The following CNBD2 variants were observed in gnomAD, a reference collection of about 807,000 sequenced individuals.
CNBD2 encodes cyclic nucleotide-binding domain-containing protein 2.
A neutral mutation model predicts 63.7 loss-of-function variants in CNBD2; 64 were observed. The observed-to-expected ratio is 1.00, with a 90% CI of 0.82 to 1.24. CNBD2 has a LOEUF of 1.24. Among genes scored for constraint, CNBD2 ranks in the 50% most tolerant of loss-of-function variants. The pLI is 0.00. For synonymous variants in CNBD2, 229 were observed against 255.4 expected (o/e 0.90, Z 0.99); for missense variants, 691 against 713.5 (o/e 0.97, Z 0.36).
chr20:36,023,314 C>T (rs2057242371), intron 10 of CNBD2, among the ~76,000 whole-genome samples: 1 of 152,096 alleles, frequency 6.6e-6, no homozygotes, highest in Non-Finnish European at 1.5e-5. Flanking sequence ...CACCTGAGGT[C>T]AGGAGTTCGA....
intron 6 of CNBD2, among the ~76,000 whole-genome samples, chr20:35,985,788 C>T (rs940142785): frequency 2.0e-5 from 3 of 152,090 alleles, no homozygotes; most frequent in African/African-American, 4.8e-5. Flanking sequence ...GCGCCTGGCC[C>T]AAACTATAAT....
chr20:36,018,506 C>T (rs1342305336), intron 10 of CNBD2, among the ~76,000 whole-genome samples: 1 of 152,212 alleles, frequency 6.6e-6, no homozygotes, highest in Non-Finnish European at 1.5e-5. Flanking sequence ...TGGTAGGACT[C>T]TGAGCTCCCT....
At chr20:36,012,662 C>T (rs1337136659) in intron 10 of CNBD2, among the ~76,000 whole-genome samples, 2 of 150,838 alleles carry the variant, frequency 1.3e-5, no homozygotes, top group African/African-American at 4.9e-5. Flanking sequence ...CCTGTCTCTA[C>T]TAAAAATGCA....
chr20:36,023,598 C>A lies in CNBD2; in HGVS notation c.1270-4C>A. On this transcript the variant is annotated splice_polypyrimidine_tract_variant and splice_region_variant and intron_variant, in intron 10 of 11. Transcript: ENST00000373973. ...AGGTCTAACTTTCTGTGACTTCTCCCGAGGGTCTTCACCAGGCCTTCCTTC... is the reference window on the plus strand; with the variant it reads ...AGGTCTAACTTTCTGTGACTTCTCCAGAGGGTCTTCACCAGGCCTTCCTTC... The A allele has an allele frequency of 6.3e-7, 1 of 1,582,676 alleles. No individual in the cohort carries two copies. The highest frequency in any genetic ancestry group is 8.6e-7 in the Non-Finnish European group (1 of 1,166,224).
At chr20:35,972,128 C>T (rs1276942968) in intron 1 of CNBD2, among the ~76,000 whole-genome samples, 1 of 152,194 alleles carries the variant, frequency 6.6e-6, no homozygotes, top group Non-Finnish European at 1.5e-5. Context: ...ATTCCTTTCT[C>T]AAGGCTCACG....
intron 2 of CNBD2, among the ~76,000 whole-genome samples, chr20:35,962,898 A>G (rs995487026): frequency 3.9e-5 from 6 of 152,120 alleles, no homozygotes; most frequent in African/African-American, 1.4e-4. Flanking sequence ...ATAATTTGGT[A>G]GTTTTCCTTC....
chr20:35,958,547 T>C (rs1380509469), downstream of CNBD2, among the ~76,000 whole-genome samples: 2 of 152,232 alleles, frequency 1.3e-5, no homozygotes, highest in Non-Finnish European at 2.9e-5. Context: ...GGTAACATCT[T>C]GCATAACTAT....
In CNBD2 at chr20:35,998,941, A is replaced by T. The variant is rs147240887; in HGVS notation, c.970+3789A>T. 3.8e-3 allele frequency among the ~76,000 whole-genome samples: 565 copies of T among 150,628 alleles called. 2 individuals are homozygous for T. Among genetic ancestry groups the T allele is most frequent in the African/African-American group, 0.013 (533 of 41,220 alleles). The stretch of plus-strand genomic sequence containing the variant: ...TTAAAATCTCCAGCCATAATTATAG[A>T]TATATTTTTCTCCTTGTATTTCTGT... On this transcript the variant is annotated intron_variant, in intron 8 of 11. Coordinates refer to ENST00000373973, the MANE Select transcript of CNBD2 (RefSeq NM_001365709.1).
At chr20:35,962,384 G>A (rs1211626403) in intron 2 of CNBD2, among the ~76,000 whole-genome samples, 2 of 150,362 alleles carry the variant, frequency 1.3e-5, no homozygotes, top group African/African-American at 4.9e-5. Context: ...TCAGCCTCCC[G>A]AGTAGCTGGG....
chr20:35,975,993 T>C lies in CNBD2; in HGVS notation c.234T>C (p.Ile78=), dbSNP rs1429900845. 1 of 1,612,816 alleles carries C rather than the reference T, an allele frequency of 6.2e-7. No individual in the cohort carries two copies. Among genetic ancestry groups the C allele is most frequent in the Non-Finnish European group, 8.5e-7 (1 of 1,179,044 alleles). Residue 78 remains isoleucine (I), a synonymous_variant, in exon 3 of 12, where the codon ATT becomes ATC. Coordinates refer to ENST00000373973, the MANE Select transcript of CNBD2 (RefSeq NM_001365709.1). ...TCACATTTGATACCATGGACTTCAT[T>C]GCAGAGGAGGTATGCATAGCTCGAA... ...SRVTFDTMDF[I]AEEGHFPPKA...
chr20:35,981,468 T>C (rs976027523), intron 4 of CNBD2, among the ~76,000 whole-genome samples: 3 of 152,118 alleles, frequency 2.0e-5, no homozygotes, highest in African/African-American at 7.2e-5. Flanking sequence ...ATGGGTCTCG[T>C]CCTGTCAACC....
At chr20:35,996,797 C>T (rs1051541851) in intron 8 of CNBD2, among the ~76,000 whole-genome samples, 5 of 152,142 alleles carry the variant, frequency 3.3e-5, no homozygotes, top group Admixed American at 6.5e-5. Context: ...CATGAGCCAC[C>T]GCACCTGGCC....
intron 10 of CNBD2, among the ~76,000 whole-genome samples, chr20:36,014,634 T>C (rs1209502532): frequency 6.7e-6 from 1 of 149,204 alleles, no homozygotes; most frequent in Non-Finnish European, 1.5e-5. Flanking sequence ...TGGCCTCTTT[T>C]ATTTTTTTTT....
chr20:35,954,470 G>C (rs772423352), upstream of CNBD2: 520 of 1,547,288 alleles, frequency 3.4e-4, no homozygotes, highest in Non-Finnish European at 4.1e-4. Flanking sequence ...AGCGCCTGCG[G>C]CAGCCGGAAG....
At chr20:35,962,770 C>A (rs1169380383) in intron 2 of CNBD2, among the ~76,000 whole-genome samples, 1 of 152,200 alleles carries the variant, frequency 6.6e-6, no homozygotes, top group Non-Finnish European at 1.5e-5. Flanking sequence ...CTGCTGAATT[C>A]TATTTGCTTA....
At chr20:36,006,636 C>T (rs1601080134) in intron 8 of CNBD2, among the ~76,000 whole-genome samples, 1 of 152,114 alleles carries the variant, frequency 6.6e-6, no homozygotes, top group South Asian at 2.1e-4. Flanking sequence ...AGACTGGTCT[C>T]GAACTCCTGA....
chr20:35,986,966 G>A (rs1167454296), intron 6 of CNBD2, among the ~76,000 whole-genome samples: 3 of 152,234 alleles, frequency 2.0e-5, no homozygotes, highest in Non-Finnish European at 4.4e-5. Flanking sequence ...ACAAGGGTTG[G>A]ATGAGCTGCC....
At chr20:35,967,238 G>A (rs1041042991), upstream of CNBD2, among the ~76,000 whole-genome samples, 2 of 107,744 alleles carry the variant, frequency 1.9e-5, no homozygotes, top group East Asian at 3.0e-4. Flanking sequence ...TCCCCCTCCC[G>A]CTTTTTTTTT....
chr20:36,021,712 G>A (rs1347900224), intron 10 of CNBD2, among the ~76,000 whole-genome samples: 1 of 152,196 alleles, frequency 6.6e-6, no homozygotes, highest in Admixed American at 6.5e-5. Context: ...CTGAGCACTG[G>A]ATTGGGAGTT....
Sources: gnomAD v4.1 joint callset for allele counts (sites outside exome capture counted in the v4.1 genomes callset) on GRCh38, gnomAD v4.1.1 for gene constraint, MANE v1.5 for transcripts, NCBI Gene and HGNC (gene_info 2026-07-23, HGNC 2026-07-21) for gene names.